The following SPOCK1 variants were observed in gnomAD, a reference collection of about 807,000 sequenced individuals.
The protein encoded by SPOCK1 is testican-1.
A neutral mutation model predicts 55.3 loss-of-function variants in SPOCK1; 23 were observed. The observed-to-expected ratio is 0.42, with a 90% confidence interval of 0.30 to 0.59. The LOEUF is 0.59. SPOCK1 is among the 20% of genes least tolerant of loss of function. SPOCK1 has a pLI of 0.22. For synonymous variants in SPOCK1, 226 were observed against 221.0 expected, an observed-to-expected ratio of 1.02 and a Z score of -0.20; for missense variants, 499 against 552.5, an observed-to-expected ratio of 0.90 and a Z score of 0.97.
chr5:137,253,366 C>G (rs1002042964), intron 3 of SPOCK1, among the ~76,000 whole-genome samples: 1 of 152,106 alleles, frequency 6.6e-6, no homozygotes, highest in Non-Finnish European at 1.5e-5. Flanking sequence ...AAAGATTGAC[C>G]TAATTTACTT....
In SPOCK1 at chr5:136,976,389, T is replaced by C. The variant is rs573808819; in HGVS notation, c.*2265A>G. 6.5e-6 allele frequency: 1 copy of C among 152,754 alleles called. No homozygotes were observed. The highest frequency in any genetic ancestry group is 6.5e-5 in the Admixed American group (1 of 15,304). The allele number at this position is 152,754 out of a possible 1,614,324, so 9.5% of individuals were successfully genotyped here. A position where few individuals can be genotyped will look rare whatever the true frequency, so the allele number is the denominator to read the frequency against. On this transcript the variant is annotated 3_prime_UTR_variant, in exon 11 of 11. Transcript: ENST00000394945. ...TCCATCATTAAGTTAATGCTAAGGA[T>C]CTTTAAGTGTCATCTTAATTTGATA...
At chr5:137,171,556 C>T (rs1232901299) in intron 3 of SPOCK1, among the ~76,000 whole-genome samples, 2 of 152,144 alleles carry the variant, frequency 1.3e-5, no homozygotes, top group Admixed American at 6.5e-5. Context: ...TTCCACCCAC[C>T]AGTTTTAAGC....
At chr5:137,190,197 G>A (rs1015563976) in intron 3 of SPOCK1, among the ~76,000 whole-genome samples, 1 of 152,164 alleles carries the variant, frequency 6.6e-6, no homozygotes, top group African/African-American at 2.4e-5. Context: ...TGAGAGGATT[G>A]ACTAATTTTG....
Position 137,369,680 on chromosome 5 carries a change from G to T in SPOCK1, c.187-102625C>A, listed in dbSNP as rs1212169603. ...GGAATTTACTTCTCACAGTTCTAGAGGCTGCAAGTCTAAGATCAAGGTGCT... is the reference window on the plus strand; with the variant it reads ...GGAATTTACTTCTCACAGTTCTAGATGCTGCAAGTCTAAGATCAAGGTGCT... On this transcript the variant is annotated intron_variant, in intron 2 of 10. Coordinates refer to ENST00000394945, the MANE Select transcript of SPOCK1 (RefSeq NM_004598.4). 2.6e-5 allele frequency among the ~76,000 whole-genome samples: 4 copies of T among 152,180 alleles called. No individual in the cohort carries two copies. The East Asian group carries it at 5.8e-4, about 22-fold the overall frequency.
chr5:137,129,586 G>A (rs1753836968), intron 4 of SPOCK1, among the ~76,000 whole-genome samples: 1 of 152,132 alleles, frequency 6.6e-6, no homozygotes, highest in Non-Finnish European at 1.5e-5. Flanking sequence ...GGGTCCTCAT[G>A]TACTCAGTCC....
chr5:137,167,400 C>T (rs1005417623), intron 3 of SPOCK1, among the ~76,000 whole-genome samples: 1 of 150,766 alleles, frequency 6.6e-6, no homozygotes, highest in Admixed American at 6.7e-5. Context: ...CAGCACTGGA[C>T]AGATCTTCCA....
intron 3 of SPOCK1, among the ~76,000 whole-genome samples, chr5:137,164,413 G>A (rs921959285): frequency 6.6e-6 from 1 of 152,128 alleles, no homozygotes; most frequent in Admixed American, 6.5e-5. Flanking sequence ...TGAATATAGA[G>A]CCCTTGGATC....
intron 3 of SPOCK1, among the ~76,000 whole-genome samples, chr5:137,153,351 C>G (rs992397895): frequency 1.3e-5 from 2 of 152,144 alleles, no homozygotes; most frequent in Non-Finnish European, 2.9e-5. Context: ...ACTCATTTTT[C>G]TTTTATTGTT....
chr5:137,075,735 G>A lies in SPOCK1; in HGVS notation c.475-7906C>T, dbSNP rs549179525. ...CCTCCAGGCAATGCAACCAAGAGTG[G>A]CCGGCACCGTGGAGAGGAGTGCAGC... On this transcript the variant is annotated intron_variant, in intron 5 of 10. Transcript: ENST00000394945. Among the ~76,000 whole-genome samples, 4 of 152,232 alleles carry A rather than the reference G, an allele frequency of 2.6e-5. No homozygotes were observed. The South Asian group carries it at 8.3e-4, about 32-fold the overall frequency.
chr5:136,999,659 A>T (rs570800059), intron 6 of SPOCK1, among the ~76,000 whole-genome samples: 9 of 152,336 alleles, frequency 5.9e-5, no homozygotes, highest in Admixed American at 2.0e-4. Context: ...TCAGTGGGAT[A>T]AAAAACATTT....
intron 3 of SPOCK1, among the ~76,000 whole-genome samples, chr5:137,242,641 G>A (rs1756307475): frequency 6.6e-6 from 1 of 152,190 alleles, no homozygotes; most frequent in Admixed American, 6.5e-5. Flanking sequence ...AGGAGGCTGA[G>A]GTGGGAGAAT....
At chr5:137,358,461 AGG>A (rs1750868415) in intron 2 of SPOCK1, among the ~76,000 whole-genome samples, 1 of 8,018 alleles carries the variant, frequency 1.2e-4, no homozygotes, top group Admixed American at 1.7e-3. Context: ...AGGGAAGGGG[AGG>A]GGAGGGGAGG....
At chr5:137,074,387 C>A (rs1023239459) in intron 5 of SPOCK1, among the ~76,000 whole-genome samples, 1 of 152,138 alleles carries the variant, frequency 6.6e-6, no homozygotes, top group African/African-American at 2.4e-5. Context: ...AGAGAACACC[C>A]CTTTTCTTAG....
At chr5:137,093,036 CCATTAACCCATTAAAA>C (rs1753078078) in intron 5 of SPOCK1, among the ~76,000 whole-genome samples, 1 of 152,114 alleles carries the variant, frequency 6.6e-6, no homozygotes, top group Non-Finnish European at 1.5e-5. Flanking sequence ...ACTCATTAAT[CCATTAACCCATTAAAA>C]CATTAACCCA....
intron 2 of SPOCK1, among the ~76,000 whole-genome samples, chr5:137,495,564 C>T (rs1477031446): frequency 6.6e-6 from 1 of 152,198 alleles, no homozygotes; most frequent in Non-Finnish European, 1.5e-5. Flanking sequence ...TGGGACACAG[C>T]CTTTCAAAGT....
At chr5:137,145,884 G>A (rs964326684) in intron 3 of SPOCK1, among the ~76,000 whole-genome samples, 1 of 152,202 alleles carries the variant, frequency 6.6e-6, no homozygotes, top group Non-Finnish European at 1.5e-5. Flanking sequence ...GCAGGCTTAA[G>A]GAATTCAAGT....
intron 3 of SPOCK1, among the ~76,000 whole-genome samples, chr5:137,188,714 C>A (rs1404866245): frequency 6.6e-6 from 1 of 152,168 alleles, no homozygotes; most frequent in Admixed American, 6.5e-5. Context: ...AAGGAAAAGT[C>A]CAACATCTCT....
intron 2 of SPOCK1, among the ~76,000 whole-genome samples, chr5:137,430,029 T>G (rs977424101): frequency 3.9e-5 from 6 of 152,184 alleles, no homozygotes; most frequent in African/African-American, 1.4e-4. Context: ...AGCAAGTACT[T>G]GGGAAGGCAG....
chr5:137,264,564 A>G (rs1756809097), intron 3 of SPOCK1, among the ~76,000 whole-genome samples: 1 of 152,160 alleles, frequency 6.6e-6, no homozygotes, highest in Non-Finnish European at 1.5e-5. Flanking sequence ...ACACTCTTCA[A>G]CAAGTTCCAT....
Sources: gnomAD v4.1 joint callset for allele counts (sites outside exome capture counted in the v4.1 genomes callset) on GRCh38, gnomAD v4.1.1 for gene constraint, MANE v1.5 for transcripts, NCBI Gene and HGNC (gene_info 2026-07-23, HGNC 2026-07-21) for gene names.